KCNG3: variants seen among roughly 807,000 people sequenced by gnomAD.
KCNG3 encodes the protein potassium voltage-gated channel modifier subfamily G member 3.
KCNG3 carries 15 observed loss-of-function variants against 29.0 expected under a neutral mutation model. That is an observed-to-expected ratio of 0.52 (90% CI 0.35 to 0.80). KCNG3 has a LOEUF of 0.80. KCNG3 is among the 30% of genes least tolerant of loss of function. The probability of loss-of-function intolerance (pLI) is 0.01; values close to 1 mark genes in which losing one functional copy is unlikely to be tolerated. For synonymous variants in KCNG3, 322 were observed against 248.9 expected (o/e 1.29, Z -2.76); for missense variants, 512 against 605.7 (o/e 0.85, Z 1.62).
At chr2:42,425,398 C>CAAA in the KCNG3 span, among the ~76,000 whole-genome samples, 1,132 of 82,306 alleles carry the variant, frequency 0.014, 27 homozygotes, top group African/African-American at 0.045. Context: ...GACTCCGTCT[C>CAAA]AAAAAAAAAA....
intron 1 of KCNG3, among the ~76,000 whole-genome samples, chr2:42,452,243 A>ATATTTTTT: frequency 2.1e-5 from 2 of 95,048 alleles, no homozygotes; most frequent in Admixed American, 1.1e-4. Flanking sequence ...ATATATATAT[A>ATATTTTTT]TTTTTTTTTT....
the KCNG3 span, among the ~76,000 whole-genome samples, chr2:42,419,891 C>T: frequency 6.6e-6 from 1 of 152,122 alleles, no homozygotes; most frequent in Non-Finnish European, 1.5e-5. Context: ...CAGTCTGTAA[C>T]CAGAGATTTC....
chr2:42,465,186 ATTTTT>A (rs1180651485), intron 1 of KCNG3, among the ~76,000 whole-genome samples: 1 of 151,596 alleles, frequency 6.6e-6, no homozygotes, highest in South Asian at 2.1e-4. Context: ...TTAAGATTTT[ATTTTT>A]TTAAGAGTAT....
chr2:42,419,221 T>TTTTTTTTTTTTTG, the KCNG3 span, among the ~76,000 whole-genome samples: 1 of 47,488 alleles, frequency 2.1e-5, no homozygotes, highest in African/African-American at 1.0e-4. Flanking sequence ...TGGTATCTCT[T>TTTTTTTTTTTTTG]TTTTTTTTTT....
At chr2:42,405,605 A>C in the KCNG3 span, among the ~76,000 whole-genome samples, 1 of 143,536 alleles carries the variant, frequency 7.0e-6, no homozygotes, top group African/African-American at 2.6e-5. Flanking sequence ...CATGTGACTA[A>C]TTTTTTTTTT....
At chr2:42,441,619 A>G (rs376820706), downstream of KCNG3, among the ~76,000 whole-genome samples, 11 of 148,428 alleles carry the variant, frequency 7.4e-5, no homozygotes, top group African/African-American at 2.5e-4. Context: ...GGTCCTATGG[A>G]AAGTCTGGAA....
downstream of KCNG3, among the ~76,000 whole-genome samples, chr2:42,437,144 T>C (rs1672391267): frequency 6.6e-6 from 1 of 152,130 alleles, no homozygotes; most frequent in Admixed American, 6.6e-5. Flanking sequence ...AGTGTTCCTA[T>C]CTCCACCTTG....
At chr2:42,451,327 C>T (rs1483071398) in intron 1 of KCNG3, among the ~76,000 whole-genome samples, 2 of 151,340 alleles carry the variant, frequency 1.3e-5, no homozygotes, top group Non-Finnish European at 2.9e-5. Context: ...CCTGTAATCT[C>T]AGCACTTTGG....
intron 1 of KCNG3, among the ~76,000 whole-genome samples, chr2:42,472,595 G>A (rs1362925958): frequency 1.3e-5 from 2 of 151,592 alleles, no homozygotes; most frequent in Non-Finnish European, 2.9e-5. Flanking sequence ...TCTCTCCTGG[G>A]TTCCAGCGAT....
chr2:42,418,849 G>C, the KCNG3 span, among the ~76,000 whole-genome samples: 1 of 152,188 alleles, frequency 6.6e-6, no homozygotes. Flanking sequence ...ACAGGAAGCT[G>C]TATATGACCA....
At chr2:42,410,872 C>T in the KCNG3 span, among the ~76,000 whole-genome samples, 8 of 152,124 alleles carry the variant, frequency 5.3e-5, no homozygotes, top group Admixed American at 2.6e-4. Context: ...TTCGTTATGC[C>T]ACAGTTAAGA....
chr2:42,459,613 T>C (rs554434373), intron 1 of KCNG3, among the ~76,000 whole-genome samples: 2 of 152,306 alleles, frequency 1.3e-5, no homozygotes, highest in African/African-American at 2.4e-5. Context: ...GCCTAATGTA[T>C]GTCAGGCTCT....
intron 1 of KCNG3, among the ~76,000 whole-genome samples, chr2:42,476,468 T>C (rs1031720770): frequency 1.3e-5 from 2 of 151,552 alleles, no homozygotes; most frequent in Admixed American, 6.6e-5. Context: ...CAGAGTGAGA[T>C]CCTTCTCAAT....
the KCNG3 span, among the ~76,000 whole-genome samples, chr2:42,400,120 A>C: frequency 6.6e-6 from 1 of 152,164 alleles, no homozygotes; most frequent in Admixed American, 6.5e-5. Flanking sequence ...AAAAATAAAA[A>C]TATGGGCAGT....
Position 42,442,764 on chromosome 2 carries a change from T to A in KCNG3, c.*1170A>T, listed in dbSNP as rs900583076. On this transcript the variant is annotated 3_prime_UTR_variant, in exon 2 of 2. Transcript: ENST00000306078. ...CAATCATCACTTTTACATTATCTAG[T>A]CCTAATAATCTAGCCAGATTAACAT... The A allele has an allele frequency of 6.6e-6, 1 of 152,240 alleles. No homozygotes were observed. Among genetic ancestry groups the A allele is most frequent in the African/African-American group, 2.4e-5 (1 of 41,470 alleles). The allele number at this position is 152,240 out of a possible 1,614,324, so 9.4% of individuals were successfully genotyped here.
chr2:42,472,695 T>G (rs576395155), intron 1 of KCNG3, among the ~76,000 whole-genome samples: 1 of 151,688 alleles, frequency 6.6e-6, no homozygotes, highest in Non-Finnish European at 1.5e-5. Context: ...AGACAGGGTT[T>G]CACCACGTTG....
At chr2:42,472,350 G>A (rs771753116) in intron 1 of KCNG3, among the ~76,000 whole-genome samples, 6 of 152,132 alleles carry the variant, frequency 3.9e-5, no homozygotes, top group Non-Finnish European at 8.8e-5. Flanking sequence ...TAAAAACAGT[G>A]TATGCAAAAC....
chr2:42,457,678 C>T (rs567962476), intron 1 of KCNG3, among the ~76,000 whole-genome samples: 4 of 138,594 alleles, frequency 2.9e-5, no homozygotes, highest in East Asian at 2.2e-4. Context: ...CAAGGCTGGG[C>T]GCAGTGGCTC....
chr2:42,426,799 G>A, the KCNG3 span, among the ~76,000 whole-genome samples: 1 of 152,190 alleles, frequency 6.6e-6, no homozygotes, highest in East Asian at 1.9e-4. Flanking sequence ...AACAGTAACT[G>A]AAAAGGCAAT....
Sources: gnomAD v4.1 joint callset for allele counts (sites outside exome capture counted in the v4.1 genomes callset) on GRCh38, gnomAD v4.1.1 for gene constraint, MANE v1.5 for transcripts, NCBI Gene and HGNC (gene_info 2026-07-23, HGNC 2026-07-21) for gene names.